The following DNER variants were observed in gnomAD, a reference collection of about 807,000 sequenced individuals.
DNER encodes the protein delta/notch like EGF repeat containing, also known as delta and Notch-like epidermal growth factor-related receptor.
In DNER, 33 loss-of-function variants were observed where a neutral mutation model predicts 78.2. That is an observed-to-expected ratio of 0.42 (90% CI 0.32 to 0.56). The LOEUF (loss-of-function observed/expected upper bound fraction) is 0.56, where lower values mean the gene tolerates loss of function less well. Ranked by LOEUF, DNER falls within the 20% of genes least tolerant of loss-of-function variation. The pLI is 0.11. For synonymous variants in DNER, 417 were observed against 384.8 expected (o/e 1.08, Z -0.98); for missense variants, 918 against 975.3 (o/e 0.94, Z 0.78).
intron 1 of DNER, among the ~76,000 whole-genome samples, chr2:229,631,049 C>T (rs1160801423): frequency 6.6e-6 from 1 of 152,150 alleles, no homozygotes; most frequent in Admixed American, 6.5e-5. Context: ...CTGATGGGCA[C>T]CTGGGTTGAT....
intron 12 of DNER, among the ~76,000 whole-genome samples, chr2:229,359,474 CT>C (rs1692163671): frequency 4.6e-5 from 7 of 152,186 alleles, no homozygotes; most frequent in Admixed American, 4.6e-4. Flanking sequence ...CCTACAAGCC[CT>C]GGAGTGCAAC....
At chr2:229,693,454 C>T (rs569703761) in intron 1 of DNER, among the ~76,000 whole-genome samples, 2 of 151,970 alleles carry the variant, frequency 1.3e-5, no homozygotes, top group African/African-American at 4.8e-5. Flanking sequence ...GTGAAAGCAA[C>T]TTTGGATCCG....
At chr2:229,486,900 G>A (rs540350693) in intron 6 of DNER, among the ~76,000 whole-genome samples, 4 of 152,284 alleles carry the variant, frequency 2.6e-5, no homozygotes, top group Non-Finnish European at 5.9e-5. Context: ...AACTCTGGGG[G>A]TGGGGCCTGG....
intron 11 of DNER, among the ~76,000 whole-genome samples, chr2:229,385,111 A>C (rs1329686508): frequency 6.6e-6 from 1 of 151,806 alleles, no homozygotes; most frequent in African/African-American, 2.4e-5. Context: ...AAAAAAAAAA[A>C]AAAAAAGCTT....
intron 8 of DNER, among the ~76,000 whole-genome samples, chr2:229,435,090 G>A (rs1186962804): frequency 6.6e-6 from 1 of 152,146 alleles, no homozygotes; most frequent in African/African-American, 2.4e-5. Context: ...TTGGCCCTGT[G>A]ACTTGCTCAT....
intron 1 of DNER, among the ~76,000 whole-genome samples, chr2:229,668,530 GTGTGTGTATA>G (rs1364737531): frequency 1.8e-3 from 10 of 5,500 alleles, no homozygotes; most frequent in African/African-American, 3.3e-3. Flanking sequence ...GTGTGTGTGT[GTGTGTGTATA>G]TATATATATA....
intron 4 of DNER, among the ~76,000 whole-genome samples, chr2:229,571,475 G>A (rs971737198): frequency 2.0e-5 from 3 of 151,816 alleles, no homozygotes; most frequent in African/African-American, 7.2e-5. Flanking sequence ...CAACACTCGC[G>A]TTTACCCAGA....
At chr2:229,376,353 A>G (rs377173364) in intron 11 of DNER, among the ~76,000 whole-genome samples, 3 of 152,122 alleles carry the variant, frequency 2.0e-5, no homozygotes, top group Non-Finnish European at 2.9e-5. Context: ...GGCCCTATCT[A>G]TGAGGAATGA....
chr2:229,439,203 C>T (rs1195061946), intron 8 of DNER, among the ~76,000 whole-genome samples: 1 of 152,228 alleles, frequency 6.6e-6, no homozygotes, highest in African/African-American at 2.4e-5. Context: ...AATGTGCACC[C>T]ATTATTCAAG....
At chr2:229,375,942 G>C (rs1041774329) in intron 11 of DNER, among the ~76,000 whole-genome samples, 1 of 152,132 alleles carries the variant, frequency 6.6e-6, no homozygotes, top group African/African-American at 2.4e-5. Context: ...CCCCCATGCT[G>C]TTCTCATGAA....
At chr2:229,552,391 G>T (rs1696762783) in intron 4 of DNER, among the ~76,000 whole-genome samples, 1 of 152,184 alleles carries the variant, frequency 6.6e-6, no homozygotes, top group Non-Finnish European at 1.5e-5. Flanking sequence ...AATCTGGAGG[G>T]TGCTGCTATG....
chr2:229,687,295 G>A (rs1481239701), intron 1 of DNER, among the ~76,000 whole-genome samples: 3 of 131,214 alleles, frequency 2.3e-5, no homozygotes, highest in African/African-American at 8.8e-5. Flanking sequence ...ACAGAGTCTC[G>A]CTCTGTCACC....
At chr2:229,532,691 C>T (rs1166401732) in intron 5 of DNER, among the ~76,000 whole-genome samples, 2 of 152,216 alleles carry the variant, frequency 1.3e-5, no homozygotes, top group African/African-American at 2.4e-5. Context: ...GCTCAATTTC[C>T]TTGTTTCTTT....
intron 1 of DNER, among the ~76,000 whole-genome samples, chr2:229,668,771 A>G (rs10196369): frequency 0.21 from 31,026 of 150,990 alleles, 5,546 homozygotes; most frequent in African/African-American, 0.48. Context: ...CACTGTTGGT[A>G]GGAGTGTAAA....
At chr2:229,402,333 T>C (rs1368639573) in intron 10 of DNER, among the ~76,000 whole-genome samples, 1 of 152,168 alleles carries the variant, frequency 6.6e-6, no homozygotes, top group Non-Finnish European at 1.5e-5. Context: ...GCAGATTATT[T>C]GAAAAGATAA....
At chr2:229,622,815 A>T (rs1698272350) in intron 1 of DNER, among the ~76,000 whole-genome samples, 1 of 152,202 alleles carries the variant, frequency 6.6e-6, no homozygotes. Context: ...CAAGAATTGC[A>T]GGCAACACCA....
chr2:229,372,757 G>A (rs1232120213), intron 11 of DNER, among the ~76,000 whole-genome samples: 1 of 152,166 alleles, frequency 6.6e-6, no homozygotes, highest in Admixed American at 6.5e-5. Context: ...GTAGGACGGG[G>A]CAGGGTTAGT....
chr2:229,449,844 C>T (rs567618044), intron 7 of DNER, among the ~76,000 whole-genome samples: 1 of 152,286 alleles, frequency 6.6e-6, no homozygotes, highest in South Asian at 2.1e-4. Flanking sequence ...AGTGCAATGG[C>T]ACAATCTTGG....
intron 1 of DNER, among the ~76,000 whole-genome samples, chr2:229,621,681 C>A (rs1449790040): frequency 6.6e-6 from 1 of 152,140 alleles, no homozygotes; most frequent in African/African-American, 2.4e-5. Flanking sequence ...TGATCTGGGG[C>A]CACCTGGATG....
Sources: gnomAD v4.1 joint callset for allele counts (sites outside exome capture counted in the v4.1 genomes callset) on GRCh38, gnomAD v4.1.1 for gene constraint, MANE v1.5 for transcripts, NCBI Gene and HGNC (gene_info 2026-07-23, HGNC 2026-07-21) for gene names.